NWD2: variants seen among roughly 807,000 people sequenced by gnomAD.
The protein encoded by NWD2 is NACHT and WD repeat domain containing 2.
Under a neutral mutation model 132.7 loss-of-function variants are expected in NWD2, and 37 were observed. That is an observed-to-expected ratio of 0.28 (90% CI 0.21 to 0.37). The LOEUF (loss-of-function observed/expected upper bound fraction) is 0.37, where lower values mean the gene tolerates loss of function less well. NWD2 is among the 10% of genes least tolerant of loss of function. The pLI, the probability that NWD2 is intolerant of heterozygous loss-of-function variation, is 1.00. For missense variants in NWD2, 1,592 were observed against 2,122.4 expected (o/e 0.75, Z 4.91); for synonymous variants, 705 against 803.0 (o/e 0.88, Z 2.06).
chr4:37,345,583 TTATG>T (rs1719618099), intron 2 of NWD2, among the ~76,000 whole-genome samples: 4 of 152,016 alleles, frequency 2.6e-5, no homozygotes, highest in Middle Eastern at 3.4e-3. Context: ...TAGGAGTTCT[TTATG>T]TATTCTAGAC....
chr4:37,249,948 A>G (rs144107060), intron 1 of NWD2, among the ~76,000 whole-genome samples: 490 of 152,272 alleles, frequency 3.2e-3, no homozygotes, highest in African/African-American at 0.01. Context: ...ACATGGGTTC[A>G]TTTGCTACAA....
intron 1 of NWD2, among the ~76,000 whole-genome samples, chr4:37,249,731 A>C (rs192620607): frequency 6.6e-6 from 1 of 152,342 alleles, no homozygotes; most frequent in East Asian, 1.9e-4. Context: ...CTGTCCACTC[A>C]GATTTCTGTG....
chr4:37,419,338 G>A (rs543579305), intron 3 of NWD2, among the ~76,000 whole-genome samples: 1 of 152,240 alleles, frequency 6.6e-6, no homozygotes, highest in Admixed American at 6.5e-5. Flanking sequence ...ACATAGGCAT[G>A]GGCAAAGACC....
At chr4:37,332,456 G>GA (rs34529414) in intron 2 of NWD2, among the ~76,000 whole-genome samples, 4,544 of 130,520 alleles carry the variant, frequency 0.035, 241 homozygotes, top group African/African-American at 0.12. Flanking sequence ...CTGCTGCCTT[G>GA]AAAAAAAAAA....
At chr4:37,400,667 T>C (rs1324581018) in intron 3 of NWD2, among the ~76,000 whole-genome samples, 5 of 152,250 alleles carry the variant, frequency 3.3e-5, no homozygotes, top group African/African-American at 7.2e-5. Context: ...TATTTTGCTT[T>C]TACTGTGACC....
At chr4:37,253,171 T>A (rs73807457) in intron 1 of NWD2, among the ~76,000 whole-genome samples, 9,000 of 152,250 alleles carry the variant, frequency 0.059, 539 homozygotes, top group African/African-American at 0.15. Context: ...TGAGAATAAC[T>A]CAGTAAATAG....
At chr4:37,396,198 G>C (rs980554777) in intron 3 of NWD2, among the ~76,000 whole-genome samples, 3 of 152,104 alleles carry the variant, frequency 2.0e-5, no homozygotes, top group Admixed American at 6.5e-5. Flanking sequence ...GCTTTTAGTG[G>C]AACTCTCCTT....
intron 3 of NWD2, among the ~76,000 whole-genome samples, chr4:37,411,328 A>G (rs994144139): frequency 3.3e-5 from 5 of 152,228 alleles, no homozygotes; most frequent in Admixed American, 2.6e-4. Context: ...CAGAAATACA[A>G]ACTACTATCG....
chr4:37,316,776 T>G (rs1193120251), intron 1 of NWD2, among the ~76,000 whole-genome samples: 1 of 152,218 alleles, frequency 6.6e-6, no homozygotes, highest in Non-Finnish European at 1.5e-5. Context: ...TGACATTTTT[T>G]CTGTGTCACA....
At chr4:37,263,192 G>C (rs1717680192) in intron 1 of NWD2, among the ~76,000 whole-genome samples, 1 of 152,128 alleles carries the variant, frequency 6.6e-6, no homozygotes, top group South Asian at 2.1e-4. Flanking sequence ...ATTAGAACCT[G>C]TAATTGCAGC....
At position 37,445,885 on chromosome 4, in the gene NWD2, C is replaced by T; in HGVS notation, c.3897C>T (p.Ser1299=). 6.4e-7 allele frequency: 1 copy of T among 1,551,790 alleles called. No homozygotes were observed. The highest frequency in any genetic ancestry group is 8.7e-7 in the Non-Finnish European group (1 of 1,146,982). ...LLSLSTSGVL[S]IWDIDIITAM... ...CTTTATCAACCAGTGGTGTTCTTTC[C>T]ATTTGGGACATAGATATAATCACAG... is the stretch of plus-strand genomic sequence containing the variant. Residue 1299 remains serine (S), a synonymous_variant, in exon 7 of 7, where the codon TCC becomes TCT. Coordinates refer to ENST00000309447, the MANE Select transcript of NWD2 (RefSeq NM_001144990.2). This position sits in a 1 kb window ranked among gnomAD's most constrained non-coding sequence, Gnocchi z 4.7.
chr4:37,296,396 T>A (rs1407082843), intron 1 of NWD2, among the ~76,000 whole-genome samples: 1 of 152,180 alleles, frequency 6.6e-6, no homozygotes, highest in Non-Finnish European at 1.5e-5. Flanking sequence ...ATCATGTACA[T>A]TGATGGCAGC....
rs1276783421 is a variant in NWD2 at position 37,418,639 on chromosome 4, A to AT, written c.358-11933_358-11932insT. ...TTCTGTGATCTTTCTCCCAAAAAAA[A>AT]AAATATATATATATATTTATAACCC... On this transcript the variant is annotated intron_variant, in intron 3 of 6. Coordinates refer to ENST00000309447, the MANE Select transcript of NWD2 (RefSeq NM_001144990.2). Among the ~76,000 whole-genome samples the AT allele has an allele frequency of 6.8e-4, 98 of 144,976 alleles. No homozygotes were observed. The South Asian group carries it at 1.0e-2, about 15-fold the overall frequency.
intron 3 of NWD2, among the ~76,000 whole-genome samples, chr4:37,383,577 G>GT (rs1161221058): frequency 6.6e-6 from 1 of 152,106 alleles, no homozygotes; most frequent in African/African-American, 2.4e-5. Flanking sequence ...TCTCAAGCAA[G>GT]TCCCTCAGGG....
intron 1 of NWD2, among the ~76,000 whole-genome samples, chr4:37,280,146 TTGATA>T (rs1718100215): frequency 6.6e-6 from 1 of 152,170 alleles, no homozygotes; most frequent in Admixed American, 6.5e-5. Flanking sequence ...CACAGGCGAA[TTGATA>T]TAAGTAAGAG....
chr4:37,339,822 C>T (rs1346417283), intron 2 of NWD2, among the ~76,000 whole-genome samples: 1 of 152,168 alleles, frequency 6.6e-6, no homozygotes, highest in African/African-American at 2.4e-5. Context: ...TTCTCACTCC[C>T]TCTCACCCTC....
chr4:37,278,586 G>A (rs1718069785), intron 1 of NWD2, among the ~76,000 whole-genome samples: 1 of 152,132 alleles, frequency 6.6e-6, no homozygotes, highest in African/African-American at 2.4e-5. Flanking sequence ...AATGAAAAGT[G>A]GTATATCAGG....
chr4:37,272,719 AT>A (rs924506245), intron 1 of NWD2, among the ~76,000 whole-genome samples: 3 of 151,662 alleles, frequency 2.0e-5, no homozygotes, highest in South Asian at 2.1e-4. Flanking sequence ...TAAAACAACC[AT>A]TTTTTATTAT....
At chr4:37,386,024 C>T (rs766451576) in intron 3 of NWD2, among the ~76,000 whole-genome samples, 35 of 152,154 alleles carry the variant, frequency 2.3e-4, no homozygotes, top group Admixed American at 2.0e-3. Context: ...TTCCTCAGCA[C>T]ATCACACTAC....
Sources: gnomAD v4.1 joint callset for allele counts (sites outside exome capture counted in the v4.1 genomes callset) on GRCh38, gnomAD v4.1.1 for gene constraint, Gnocchi (gnomAD v3.1) non-coding constraint, MANE v1.5 for transcripts, NCBI Gene and HGNC (gene_info 2026-07-23, HGNC 2026-07-21) for gene names.